The following RAB3GAP1 variants were observed in gnomAD, a reference collection of about 807,000 sequenced individuals.
The protein encoded by RAB3GAP1 is rab3 GTPase-activating protein catalytic subunit.
In RAB3GAP1, 86 loss-of-function variants were observed where a neutral mutation model predicts 130.7. That is an observed-to-expected ratio of 0.66 (90% CI 0.55 to 0.79). The LOEUF is 0.79. Among genes scored for constraint, RAB3GAP1 ranks in the 30% least tolerant of loss-of-function variants. RAB3GAP1 has a pLI of 0.00. For missense variants in RAB3GAP1, 1,029 were observed against 1,169.4 expected (o/e 0.88, Z 1.75); for synonymous variants, 367 against 401.7 (o/e 0.91, Z 1.03).
At chr2:135,105,388 C>A (rs1165667389) in intron 5 of RAB3GAP1, among the ~76,000 whole-genome samples, 1 of 151,950 alleles carries the variant, frequency 6.6e-6, no homozygotes. Flanking sequence ...CGTGCCACCA[C>A]GCCTGACTGG....
At chr2:135,147,173 C>T (rs1200750125) in intron 17 of RAB3GAP1, among the ~76,000 whole-genome samples, 1 of 151,940 alleles carries the variant, frequency 6.6e-6, no homozygotes, top group African/African-American at 2.4e-5. Context: ...TGACGAAACC[C>T]TGTCTGTACT....
At chr2:135,077,268 TCAACAACAA>T (rs111433011) in intron 3 of RAB3GAP1, among the ~76,000 whole-genome samples, 16 of 151,476 alleles carry the variant, frequency 1.1e-4, no homozygotes, top group African/African-American at 2.7e-4. Context: ...AGACTCCATC[TCAACAACAA>T]CAACAACAAC....
At chr2:135,137,165 A>C (rs1270810459) in intron 17 of RAB3GAP1, 1 of 386,158 alleles carries the variant, frequency 2.6e-6, no homozygotes, top group Non-Finnish European at 5.0e-6. Flanking sequence ...AATCCTCAGC[A>C]GTATTAATTT....
chr2:135,078,256 A>G (rs971727922), intron 3 of RAB3GAP1, among the ~76,000 whole-genome samples: 4 of 152,106 alleles, frequency 2.6e-5, no homozygotes, highest in African/African-American at 9.7e-5. Flanking sequence ...GAGGTTCTTT[A>G]TGACTTCTAG....
chr2:135,166,404 A>G (rs922314133), intron 23 of RAB3GAP1, among the ~76,000 whole-genome samples: 2 of 152,190 alleles, frequency 1.3e-5, no homozygotes, highest in Non-Finnish European at 2.9e-5. Context: ...GCTGGAGTAC[A>G]GTGGCAAGAT....
chr2:135,094,697 T>G (rs1690241968), intron 5 of RAB3GAP1, among the ~76,000 whole-genome samples: 1 of 152,192 alleles, frequency 6.6e-6, no homozygotes, highest in African/African-American at 2.4e-5. Context: ...TTTACACACT[T>G]AAATGACTAT....
intron 5 of RAB3GAP1, among the ~76,000 whole-genome samples, chr2:135,105,333 C>G (rs1192242276): frequency 2.6e-5 from 4 of 151,460 alleles, no homozygotes; most frequent in Non-Finnish European, 5.9e-5. Flanking sequence ...ACCTCCCTGC[C>G]TGATTCTCCT....
In RAB3GAP1 at chr2:135,132,852, A is replaced by G. The variant is rs746767051; in HGVS notation, c.1237-43A>G. 5 of 1,136,262 alleles carry G rather than the reference A, an allele frequency of 4.4e-6. No individual in the cohort carries two copies. The Admixed American group carries it at 6.8e-5, about 15-fold the overall frequency. The allele number at this position is 1,136,262 out of a possible 1,614,324, so 70.4% of individuals were successfully genotyped here. A position where few individuals can be genotyped will look rare whatever the true frequency, so the allele number is the denominator to read the frequency against. On this transcript the variant is annotated intron_variant, in intron 13 of 23. Coordinates refer to ENST00000264158, the MANE Select transcript of RAB3GAP1 (RefSeq NM_012233.3). ...GAGTTATAAAAATCAACAAAATAGG[A>G]AATGTGGTCTAAAATGTGATTATTT...
intron 12 of RAB3GAP1, 67 bp from the exon 13 acceptor site, chr2:135,130,485 T>G: frequency 7.7e-7 from 1 of 1,305,828 alleles, no homozygotes; most frequent in Non-Finnish European, 1.1e-6. Context: ...TAATCATCAA[T>G]TTGTTCATCA....
At chr2:135,095,976 T>C (rs1690282730) in intron 5 of RAB3GAP1, among the ~76,000 whole-genome samples, 1 of 152,192 alleles carries the variant, frequency 6.6e-6, no homozygotes, top group Non-Finnish European at 1.5e-5. Context: ...TGGTACTATA[T>C]ATAGGAAAAA....
chr2:135,097,556 G>T (rs1234136107), intron 5 of RAB3GAP1, among the ~76,000 whole-genome samples: 1 of 151,992 alleles, frequency 6.6e-6, no homozygotes, highest in Non-Finnish European at 1.5e-5. Context: ...TGGAATCCCT[G>T]ATCTTTCTTG....
Position 135,081,327 on chromosome 2 carries a change from AATATATATATATATAT to A in RAB3GAP1, c.151-9651_151-9636del, listed in dbSNP as rs1214688390. On this transcript the variant is annotated intron_variant, in intron 3 of 23. Coordinates refer to ENST00000264158, the MANE Select transcript of RAB3GAP1 (RefSeq NM_012233.3). ...GTCTCAAAAAAAAAAAAAAAAAAAA[AATATATATATATATAT>A]ATATATATATATATATATACACACA... Among the ~76,000 whole-genome samples, 187 of 64,036 alleles carry A rather than the reference AATATATATATATATAT, an allele frequency of 2.9e-3. 6 individuals carry two copies. The highest frequency in any genetic ancestry group is 0.015 in the African/African-American group (164 of 10,888). The allele number at this position is 64,036 out of a possible 152,430, so 42.0% of individuals were successfully genotyped here.
rs371147759 is a variant in RAB3GAP1 at position 135,149,209 on chromosome 2, T to C, written c.1924-1160T>C. 2.6e-5 allele frequency among the ~76,000 whole-genome samples: 4 copies of C among 152,312 alleles called. 1 individual carries two copies. In the East Asian group the frequency reaches 7.7e-4, roughly 29 times the overall value. ...CCAATGAAATGTAGCCCCTTCTTAATAGAAAGAATGAAGGCCTCTGCTCTT... is the reference window on the plus strand; with the variant it reads ...CCAATGAAATGTAGCCCCTTCTTAACAGAAAGAATGAAGGCCTCTGCTCTT... On this transcript the variant is annotated intron_variant, in intron 17 of 23. Transcript: ENST00000264158.
chr2:135,065,851 AC>A (rs1264395294), intron 3 of RAB3GAP1, among the ~76,000 whole-genome samples: 1 of 150,594 alleles, frequency 6.6e-6, no homozygotes, highest in African/African-American at 2.5e-5. Context: ...GCTCACTGCA[AC>A]CTTTGCCTCC....
At chr2:135,122,957 G>T (rs1691245729) in intron 8 of RAB3GAP1, among the ~76,000 whole-genome samples, 1 of 152,142 alleles carries the variant, frequency 6.6e-6, no homozygotes, top group Non-Finnish European at 1.5e-5. Context: ...TCGAACTCCT[G>T]ACCTCAGGTG....
At chr2:135,136,068 G>A (rs1200144331) in intron 17 of RAB3GAP1, 136 bp downstream of exon 17, 7 of 1,190,642 alleles carry the variant, frequency 5.9e-6, no homozygotes, top group Non-Finnish European at 8.6e-6. Context: ...GCTTACGCCT[G>A]TAATCCCAGC....
chr2:135,103,162 G>C (rs1238472375), intron 5 of RAB3GAP1, among the ~76,000 whole-genome samples: 1 of 145,706 alleles, frequency 6.9e-6, no homozygotes, highest in African/African-American at 2.6e-5. Flanking sequence ...TCAGCCTCCC[G>C]AGTAGATGGG....
chr2:135,061,081 G>T (rs955295678), intron 3 of RAB3GAP1, among the ~76,000 whole-genome samples: 25 of 143,464 alleles, frequency 1.7e-4, no homozygotes, highest in African/African-American at 6.3e-4. Flanking sequence ...GACCATAAAT[G>T]TCCTTGACAT....
Position 135,126,316 on chromosome 2 carries a change from T to C in RAB3GAP1, c.899+67T>C. ...TTCAGTAGAATAACTCTCAAATTGC[T>C]AGTAATTTTTATATGCATTTTTTAT... is the stretch of plus-strand genomic sequence containing the variant. On this transcript the variant is annotated intron_variant, in intron 10 of 23. Coordinates refer to ENST00000264158, the MANE Select transcript of RAB3GAP1 (RefSeq NM_012233.3). The C allele has an allele frequency of 2.4e-6, 3 of 1,233,792 alleles. No individual in the cohort carries two copies. The South Asian group carries it at 3.9e-5, about 16-fold the overall frequency. 76.4% of individuals were successfully genotyped at this position (1,233,792 alleles called of 1,614,324 possible).
Sources: gnomAD v4.1 joint callset for allele counts (sites outside exome capture counted in the v4.1 genomes callset) on GRCh38, gnomAD v4.1.1 for gene constraint, MANE v1.5 for transcripts, NCBI Gene and HGNC (gene_info 2026-07-23, HGNC 2026-07-21) for gene names.